Variants in VGLL4 observed in about 807,000 individuals in gnomAD.
VGLL4 encodes the protein transcription cofactor vestigial-like protein 4.
Under a neutral mutation model 21.0 loss-of-function variants are expected in VGLL4, and 7 were observed. The observed-to-expected ratio is 0.33, with a 90% confidence interval of 0.19 to 0.63. The LOEUF (loss-of-function observed/expected upper bound fraction) is 0.63, where lower values mean the gene tolerates loss of function less well. Among genes scored for constraint, VGLL4 ranks in the 20% least tolerant of loss-of-function variants. VGLL4 has a pLI of 0.78. For missense variants in VGLL4, 394 were observed against 425.7 expected (o/e 0.93, Z 0.66); for synonymous variants, 222 against 173.2 (o/e 1.28, Z -2.21).
At chr3:11,602,191 T>C (rs896942269) in intron 1 of VGLL4, among the ~76,000 whole-genome samples, 169 bp from the exon 2 acceptor site, 5 of 152,230 alleles carry the variant, frequency 3.3e-5, no homozygotes, top group African/African-American at 4.8e-5. Context: ...TGAGTGTGGT[T>C]AGCTGCCAAC....
chr3:11,661,251 A>G (rs1019307174), intron 2 of VGLL4, among the ~76,000 whole-genome samples: 1 of 152,138 alleles, frequency 6.6e-6, no homozygotes, highest in African/African-American at 2.4e-5. Context: ...CTGGTAACGC[A>G]GAAAGAACGA....
At chr3:11,662,793 T>C (rs1461479867) in intron 2 of VGLL4, among the ~76,000 whole-genome samples, 1 of 152,208 alleles carries the variant, frequency 6.6e-6, no homozygotes, top group Admixed American at 6.5e-5. Context: ...AATGCAAATG[T>C]GATGCCTGGA....
chr3:11,696,606 A>G (rs1003238617), intron 2 of VGLL4, among the ~76,000 whole-genome samples: 3 of 152,224 alleles, frequency 2.0e-5, no homozygotes, highest in Non-Finnish European at 4.4e-5. Flanking sequence ...TGTCGGTTCC[A>G]ATGTGTTAGT....
intron 2 of VGLL4, chr3:11,569,070 C>T (rs1312745362): frequency 6.9e-6 from 3 of 434,748 alleles, no homozygotes; most frequent in African/African-American, 4.3e-5. Flanking sequence ...TCCATAACAT[C>T]TGGGGAAAAG....
rs2073642526 is a variant in VGLL4 at position 11,568,594 on chromosome 3, A to G, written c.273-3575T>C. ...GGCTGGTTAATTTTAGTAAAATTAT[A>G]CATTACTCACATTTCCAGCTCATTT... On this transcript the variant is annotated intron_variant, in intron 2 of 4. Transcript: ENST00000430365. This position sits in a 1 kb window ranked among gnomAD's most constrained non-coding sequence, Gnocchi z 5.9. The G allele has an allele frequency of 1.3e-6, 2 of 1,563,598 alleles. No homozygotes were observed. Among genetic ancestry groups the G allele is most frequent in the East Asian group, 2.4e-5 (1 of 42,246 alleles).
chr3:11,660,425 T>C (rs77285097), intron 2 of VGLL4, among the ~76,000 whole-genome samples: 6,068 of 152,248 alleles, frequency 0.04, 170 homozygotes, highest in Middle Eastern at 0.092. Flanking sequence ...CAAGAGCTCC[T>C]GAGGGCAAAG....
intron 2 of VGLL4, among the ~76,000 whole-genome samples, chr3:11,649,323 AACAT>A (rs138903347): frequency 0.024 from 3,731 of 152,298 alleles, 134 homozygotes; most frequent in African/African-American, 0.083. Context: ...TATTTATGAA[AACAT>A]ACATATATAT....
intron 2 of VGLL4, among the ~76,000 whole-genome samples, chr3:11,598,664 A>G (rs1045835496): frequency 1.3e-5 from 2 of 151,662 alleles, no homozygotes; most frequent in Non-Finnish European, 2.9e-5. Context: ...TAATTTTTAA[A>G]ATTTTTTGTA....
chr3:11,564,876 A>AGGGGCTGCTCCAGGC lies in VGLL4; in HGVS notation c.401_415dup (p.Pro138_Leu139insArgLeuGluGlnPro). ...GTCCAGGCTGTTCTTGGTCAGTGCG[A>AGGGGCTGCTCCAGGC]GGGGCTGCTCCAGGCCAAGGCTGGG... is the stretch of plus-strand genomic sequence containing the variant. On this transcript the variant is annotated inframe_insertion, in exon 3 of 5. Coordinates refer to ENST00000430365, the MANE Select transcript of VGLL4 (RefSeq NM_001128219.3). 1 of 1,609,226 alleles carries AGGGGCTGCTCCAGGC rather than the reference A, an allele frequency of 6.2e-7. No individual in the cohort carries two copies. Among genetic ancestry groups the AGGGGCTGCTCCAGGC allele is most frequent in the African/African-American group, 1.3e-5 (1 of 74,856 alleles).
At chr3:11,567,153 C>G (rs2073574752) in intron 2 of VGLL4, among the ~76,000 whole-genome samples, 1 of 152,164 alleles carries the variant, frequency 6.6e-6, no homozygotes, top group Non-Finnish European at 1.5e-5. Flanking sequence ...ACGCGCTCAG[C>G]TTAGTGACCC....
chr3:11,683,191 C>T (rs1016382082), intron 2 of VGLL4, among the ~76,000 whole-genome samples: 9 of 143,376 alleles, frequency 6.3e-5, no homozygotes, highest in East Asian at 2.0e-4. Flanking sequence ...CACAACAGAG[C>T]GAGACTCTGT....
At chr3:11,564,590 G>T (rs1377268947) in intron 3 of VGLL4, among the ~76,000 whole-genome samples, 1 of 149,862 alleles carries the variant, frequency 6.7e-6, no homozygotes, top group African/African-American at 2.5e-5. Context: ...GTCTGGGCAG[G>T]AAGTAAAAGC....
chr3:11,624,300 C>G (rs894683685), intron 1 of VGLL4, among the ~76,000 whole-genome samples: 1 of 152,202 alleles, frequency 6.6e-6, no homozygotes, highest in Non-Finnish European at 1.5e-5. Context: ...TCAGCCAACA[C>G]CACATCAGAC....
Position 11,559,374 on chromosome 3 carries a change from A to T in VGLL4, c.577T>A (p.Cys193Ser). The T allele has an allele frequency of 6.4e-7, 1 of 1,553,980 alleles. No homozygotes were observed. The highest frequency in any genetic ancestry group is 8.7e-7 in the Non-Finnish European group (1 of 1,149,292). Residue 193 changes from cysteine (C) to serine (S), a missense_variant, in exon 4 of 5, where the codon TGT (cysteine) becomes AGT (serine). Transcript: ENST00000430365. Reference protein sequence around the residue: ...LSHCPIAHSGCAAPGPASYRR... With the variant: ...LSHCPIAHSGSAAPGPASYRR... ...TAGCTGGCAGGCCCGGGCGCGGCAC[A>T]GCCGCTGTGCGCGATGGGGCAGTGC...
chr3:11,585,432 TAAA>T (rs530121433), intron 2 of VGLL4, among the ~76,000 whole-genome samples: 1 of 135,012 alleles, frequency 7.4e-6, no homozygotes, highest in African/African-American at 2.7e-5. Flanking sequence ...GATTCCATCT[TAAA>T]AAAAAAAAAA....
At chr3:11,576,450 C>T (rs1374093121) in intron 2 of VGLL4, among the ~76,000 whole-genome samples, 1 of 152,130 alleles carries the variant, frequency 6.6e-6, no homozygotes, top group Admixed American at 6.5e-5. Context: ...AAATAGAGTC[C>T]TTGTATCACA....
intron 1 of VGLL4, among the ~76,000 whole-genome samples, chr3:11,718,745 T>C (rs1367300973): frequency 1.3e-5 from 2 of 152,102 alleles, no homozygotes; most frequent in Non-Finnish European, 2.9e-5. Flanking sequence ...CAACCAGCTG[T>C]TGATAAAACC....
At chr3:11,608,441 C>T (rs1559897122) in intron 1 of VGLL4, among the ~76,000 whole-genome samples, 1 of 152,078 alleles carries the variant, frequency 6.6e-6, no homozygotes, top group Non-Finnish European at 1.5e-5. Context: ...TTCAAATTTC[C>T]CCAAAGAAGA....
intron 1 of VGLL4, among the ~76,000 whole-genome samples, chr3:11,641,857 G>C (rs543399083): frequency 3.9e-5 from 6 of 152,122 alleles, no homozygotes; most frequent in Admixed American, 3.9e-4. Context: ...CTCACCAATC[G>C]GAGACAGGAA....
Sources: gnomAD v4.1 joint callset for allele counts (sites outside exome capture counted in the v4.1 genomes callset) on GRCh38, gnomAD v4.1.1 for gene constraint, Gnocchi (gnomAD v3.1) non-coding constraint, MANE v1.5 for transcripts, NCBI Gene and HGNC (gene_info 2026-07-23, HGNC 2026-07-21) for gene names.